The following FAM117B variants were observed in gnomAD, a reference collection of about 807,000 sequenced individuals.
FAM117B encodes protein FAM117B.
A neutral mutation model predicts 52.8 loss-of-function variants in FAM117B; 22 were observed. The ratio of observed to expected loss-of-function variants is 0.42; its 90% CI spans 0.30 to 0.59. FAM117B has a LOEUF of 0.59. Ranked by LOEUF, FAM117B falls within the 20% of genes least tolerant of loss-of-function variation. The pLI is 0.22. For synonymous variants in FAM117B, 309 were observed against 324.1 expected, an observed-to-expected ratio of 0.95 and a Z score of 0.50; for missense variants, 678 against 802.6, an observed-to-expected ratio of 0.84 and a Z score of 1.88.
intron 1 of FAM117B, among the ~76,000 whole-genome samples, chr2:202,672,360 G>A (rs530554676): frequency 1.3e-5 from 2 of 152,136 alleles, no homozygotes; most frequent in African/African-American, 4.8e-5. Flanking sequence ...TTACAGGCGT[G>A]CGCCACCACG....
At position 202,757,423 on chromosome 2, in the gene FAM117B, G is replaced by A; in HGVS notation, c.1315G>A (p.Asp439Asn). 6.2e-7 allele frequency: 1 copy of A among 1,614,006 alleles called. No homozygotes were observed. Residue 439 changes from aspartate (D) to asparagine (N), a missense_variant, in exon 6 of 8, where the codon GAT becomes AAT. By Grantham distance (23) the Asp-to-Asn change is conservative. Around this residue, in one of 3 missense-constraint regions of FAM117B, gnomAD observed 583 missense variants for 644.8 expected, o/e 0.90. Coordinates refer to ENST00000392238, the MANE Select transcript of FAM117B (RefSeq NM_173511.4). ...SPCSADDLLV[D>N]PRDKENGNNS... ...TTGCTCAGCGGATGACCTGCTTGTT[G>A]ATCCCAGAGATAAAGGTACAGTGCT...
chr2:202,732,816 A>C (rs1232230487), intron 4 of FAM117B, among the ~76,000 whole-genome samples: 1 of 148,936 alleles, frequency 6.7e-6, no homozygotes, highest in African/African-American at 2.5e-5. Flanking sequence ...GTGAGACTCC[A>C]TCTCAATAAG....
At position 202,755,538 on chromosome 2, in the gene FAM117B, G is replaced by C. The variant is rs1284906020; in HGVS notation, c.961G>C (p.Ala321Pro). Residue 321 changes from alanine (A) to proline (P), a missense_variant and splice_region_variant, in exon 5 of 8, where the codon GCT (alanine) becomes CCT (proline). This residue lies in a region of FAM117B where 583 missense variants were observed against 644.8 expected (regional missense o/e 0.90). Transcript: ENST00000392238. Reference protein sequence around the residue: ...GNHAAINQCQAPVPKSALIPV... With the variant: ...GNHAAINQCQPPVPKSALIPV... ...CTCTTCTCCATCCCATTTTCTTAAG[G>C]CTCCTGTTCCAAAGAGTGCACTTAT... is the stretch of plus-strand genomic sequence containing the variant. 1 of 1,612,802 alleles carries C rather than the reference G, an allele frequency of 6.2e-7. No homozygotes were observed. The highest frequency in any genetic ancestry group is 1.3e-5 in the African/African-American group (1 of 74,846).
chr2:202,747,959 A>T (rs1261974369), intron 4 of FAM117B, among the ~76,000 whole-genome samples: 1 of 152,220 alleles, frequency 6.6e-6, no homozygotes, highest in Admixed American at 6.5e-5. Flanking sequence ...GAAATAGAAG[A>T]AACAATCCTA....
At chr2:202,674,803 C>T (rs1690350982) in intron 1 of FAM117B, among the ~76,000 whole-genome samples, 1 of 152,166 alleles carries the variant, frequency 6.6e-6, no homozygotes, top group Non-Finnish European at 1.5e-5. Context: ...CCTTCTCTGG[C>T]CAATTCATGG....
At chr2:202,636,136 C>G (rs1689683215) in intron 1 of FAM117B, among the ~76,000 whole-genome samples, 1 of 152,204 alleles carries the variant, frequency 6.6e-6, no homozygotes, top group South Asian at 2.1e-4. Context: ...CTTACCCTCC[C>G]TTGAGGGTGA....
intron 1 of FAM117B, among the ~76,000 whole-genome samples, chr2:202,672,251 C>A (rs146630380): frequency 0.016 from 2,463 of 152,318 alleles, 70 homozygotes; most frequent in African/African-American, 0.056. Flanking sequence ...CTTGCTCTGT[C>A]GCCCAGGCTG....
chr2:202,661,840 C>T lies in FAM117B; in HGVS notation c.601+26052C>T, dbSNP rs560248536. Among the ~76,000 whole-genome samples, 32 of 150,862 alleles carry T rather than the reference C, an allele frequency of 2.1e-4. No homozygotes were observed. The East Asian group carries it at 4.5e-3, about 21-fold the overall frequency. On this transcript the variant is annotated intron_variant, in intron 1 of 7. Transcript: ENST00000392238. Reference sequence around the variant, plus strand: ...CTGAGGCAGGAGAATAGCTTGAACCCGGGAGGCGGAGGTTGCAGTGAGCCG... The same window carrying T: ...CTGAGGCAGGAGAATAGCTTGAACCTGGGAGGCGGAGGTTGCAGTGAGCCG...
chr2:202,635,096 G>A lies in FAM117B; in HGVS notation c.-92G>A. 2.4e-6 allele frequency: 3 copies of A among 1,247,864 alleles called. No individual in the cohort carries two copies. Among genetic ancestry groups the A allele is most frequent in the Admixed American group, 4.2e-5 (1 of 23,868 alleles). The allele number at this position is 1,247,864 out of a possible 1,614,324, so 77.3% of individuals were successfully genotyped here. On this transcript the variant is annotated 5_prime_UTR_variant, in exon 1 of 8. Transcript: ENST00000392238. ...TCCGGCTTCGTCACCCCGTCTTGGG[G>A]GGCCTGCCCTCCGGCCTCGAGAATC...
intron 1 of FAM117B, among the ~76,000 whole-genome samples, chr2:202,678,712 A>G (rs1690415795): frequency 6.6e-6 from 1 of 152,096 alleles, no homozygotes; most frequent in Non-Finnish European, 1.5e-5. Flanking sequence ...ATGCGCCACC[A>G]CGCCCAGCTA....
intron 1 of FAM117B, among the ~76,000 whole-genome samples, chr2:202,648,539 A>G (rs1228990039): frequency 7.8e-6 from 1 of 128,450 alleles, no homozygotes; most frequent in Non-Finnish European, 1.6e-5. Context: ...AAAACAAAAA[A>G]TACATATATA....
intron 1 of FAM117B, among the ~76,000 whole-genome samples, chr2:202,683,700 T>G (rs1690496182): frequency 6.6e-6 from 1 of 152,094 alleles, no homozygotes; most frequent in South Asian, 2.1e-4. Context: ...CCAGACCAGA[T>G]GGCATCAGTC....
At chr2:202,642,299 A>G (rs1380503255) in intron 1 of FAM117B, among the ~76,000 whole-genome samples, 6 of 148,516 alleles carry the variant, frequency 4.0e-5, no homozygotes, top group Non-Finnish European at 8.9e-5. Context: ...GGCTTTAGGC[A>G]CTCACAGTTA....
rs1350121237 is a variant in FAM117B at position 202,635,743 on chromosome 2, A to G, written c.556A>G (p.Ser186Gly). 6.9e-7 allele frequency: 1 copy of G among 1,456,936 alleles called. No homozygotes were observed. The allele number at this position is 1,456,936 out of a possible 1,614,324, so 90.3% of individuals were successfully genotyped here. The change falls in exon 1 of 8, where the codon AGC becomes GGC. Residue 186 changes from serine (S) to glycine (G), a missense_variant. By Grantham distance (56) the Ser-to-Gly change is moderately conservative (BLOSUM62 0). Around this residue, in one of 3 missense-constraint regions of FAM117B, gnomAD observed 583 missense variants for 644.8 expected, o/e 0.90. Coordinates refer to ENST00000392238, the MANE Select transcript of FAM117B (RefSeq NM_173511.4). ...HRRRSPEQSR[S>G]SPEKRSPSAP... ...GAGGAGGTCTCCGGAGCAGAGCCGAAGCTCGCCGGAGAAGAGGAGCCCCAG... is the reference window on the plus strand; with the variant it reads ...GAGGAGGTCTCCGGAGCAGAGCCGAGGCTCGCCGGAGAAGAGGAGCCCCAG...
At chr2:202,727,600 T>A (rs1219488895) in intron 4 of FAM117B, among the ~76,000 whole-genome samples, 2 of 152,204 alleles carry the variant, frequency 1.3e-5, no homozygotes, top group East Asian at 3.8e-4. Flanking sequence ...TTAGGTATTA[T>A]AAGTAATCTG....
intron 1 of FAM117B, among the ~76,000 whole-genome samples, chr2:202,652,208 C>T (rs934638166): frequency 7.2e-5 from 11 of 152,086 alleles, no homozygotes; most frequent in African/African-American, 2.7e-4. Flanking sequence ...AAGTGATCCT[C>T]CCACCTCAGC....
chr2:202,664,482 A>C (rs1359417685), intron 1 of FAM117B, among the ~76,000 whole-genome samples: 2 of 152,208 alleles, frequency 1.3e-5, no homozygotes, highest in Non-Finnish European at 2.9e-5. Context: ...CCCTGGATAC[A>C]TGTTTTTGGT....
chr2:202,753,561 A>G (rs751997303), intron 4 of FAM117B, among the ~76,000 whole-genome samples: 1 of 152,218 alleles, frequency 6.6e-6, no homozygotes, highest in Non-Finnish European at 1.5e-5. Flanking sequence ...AGAAACTATC[A>G]TCAGAGTGAA....
chr2:202,663,875 C>T (rs563632364), intron 1 of FAM117B, among the ~76,000 whole-genome samples: 2 of 152,188 alleles, frequency 1.3e-5, no homozygotes, highest in Non-Finnish European at 2.9e-5. Context: ...TGAGCCACTG[C>T]GCCCAGCCCC....
Sources: allele counts gnomAD v4.1 joint callset (sites outside exome capture counted in the v4.1 genomes callset), GRCh38; gene constraint gnomAD v4.1.1; regional missense constraint gnomAD v4.1.1; transcripts MANE v1.5; gene names NCBI Gene and HGNC (gene_info 2026-07-23, HGNC 2026-07-21).